Variants in PCCB observed in about 807,000 individuals in gnomAD.
PCCB encodes propionyl-CoA carboxylase subunit beta, also known as propionyl-CoA carboxylase beta chain, mitochondrial.
PCCB carries 43 observed loss-of-function variants against 60.7 expected under a neutral mutation model. That is an observed-to-expected ratio of 0.71 (90% CI 0.55 to 0.91). The LOEUF (loss-of-function observed/expected upper bound fraction) is 0.91. Among genes scored for constraint, PCCB ranks in the 40% least tolerant of loss-of-function variants. The probability of loss-of-function intolerance (pLI) is 0.00; values close to 1 mark genes in which losing one functional copy is unlikely to be tolerated. For missense variants in PCCB, 766 were observed against 702.8 expected (o/e 1.09, Z -1.02); for synonymous variants, 276 against 255.9 (o/e 1.08, Z -0.75).
intron 13 of PCCB, 136 bp from the exon 14 acceptor site, chr3:136,328,622 G>A: frequency 1.4e-6 from 1 of 714,818 alleles, no homozygotes; most frequent in South Asian, 1.5e-5. Flanking sequence ...TCTATGCTAT[G>A]GCCTTTAGAG....
chr3:136,251,139 C>G (rs1485193189), intron 1 of PCCB: 1 of 445,166 alleles, frequency 2.2e-6, no homozygotes, highest in Non-Finnish European at 4.5e-6. Flanking sequence ...AGCAAAGGCA[C>G]GTGTCGGAAG....
At chr3:136,289,395 G>A (rs1933570582) in intron 6 of PCCB, among the ~76,000 whole-genome samples, 1 of 152,162 alleles carries the variant, frequency 6.6e-6, no homozygotes, top group African/African-American at 2.4e-5. Context: ...GAATTCCTCT[G>A]TATAATAACT....
intron 9 of PCCB, among the ~76,000 whole-genome samples, chr3:136,305,519 C>T (rs143571158): frequency 0.022 from 2,664 of 119,312 alleles, 305 homozygotes; most frequent in African/African-American, 0.064. Context: ...GAGGCTGAGG[C>T]GGGTGGATCA....
rs577625696 is a variant in PCCB, at chr3:136,329,947, G to A, written c.1541G>A (p.Arg514Gln). The change falls in exon 15 of 15, where the codon CGA (arginine) becomes CAA (glutamine). Residue 514 changes from arginine (R) to glutamine (Q), a missense_variant. Coordinates refer to ENST00000251654, the MANE Select transcript of PCCB (RefSeq NM_000532.5). The stretch of plus-strand genomic sequence containing the variant: ...ATCCAACCTTCTTCCACACGTGCCC[G>A]AATCTGCTGTGACCTGGATGTCTTG... ...DIIQPSSTRA[R>Q]ICCDLDVLAS... 1.4e-4 allele frequency: 230 copies of A among 1,614,178 alleles called. 1 individual carries two copies. The South Asian group carries it at 1.9e-3, about 13-fold the overall frequency.
chr3:136,300,131 T>C lies in PCCB; in HGVS notation c.885-899T>C, dbSNP rs1934203828. 4.0e-5 allele frequency among the ~76,000 whole-genome samples: 6 copies of C among 151,376 alleles called. No homozygotes were observed. In the South Asian group the frequency reaches 1.2e-3, roughly 31 times the overall value. ...ATGCATATCTACACGTGTATATATGTATATCTACACATGTGTTCACATACA... is the reference window on the plus strand; with the variant it reads ...ATGCATATCTACACGTGTATATATGCATATCTACACATGTGTTCACATACA... On this transcript the variant is annotated intron_variant, in intron 8 of 14. Transcript: ENST00000251654.
chr3:136,293,964 C>G, intron 7 of PCCB, 100 bp downstream of exon 7: 2 of 754,392 alleles, frequency 2.7e-6, no homozygotes, highest in South Asian at 1.4e-5. Flanking sequence ...ACTTAATTGG[C>G]AGACCTTATT....
intron 10 of PCCB, chr3:136,326,388 A>G (rs1158914573): frequency 4.3e-6 from 3 of 702,832 alleles, no homozygotes; most frequent in South Asian, 1.5e-5. Flanking sequence ...CTTTGCAGGT[A>G]AGGAACCTTA....
chr3:136,256,276 C>T (rs1941669021), intron 2 of PCCB: 4 of 568,766 alleles, frequency 7.0e-6, no homozygotes, highest in Non-Finnish European at 1.2e-5. Context: ...TTCATGTAAG[C>T]ATAGAGAAGT....
At chr3:136,297,228 C>G (rs554935263) in intron 7 of PCCB, among the ~76,000 whole-genome samples, 22 of 152,128 alleles carry the variant, frequency 1.4e-4, no homozygotes, top group Non-Finnish European at 2.9e-4. Context: ...GATCAGTGAA[C>G]AAGGAGGATC....
At chr3:136,301,008 C>T in intron 8 of PCCB, 22 bp from the exon 9 acceptor site, 3 of 1,598,208 alleles carry the variant, frequency 1.9e-6, no homozygotes, top group East Asian at 2.2e-5. Flanking sequence ...GTTGACTATA[C>T]CTGCCTTTTT....
At chr3:136,268,087 GATATATATATATATATATAT>G (rs61160895) in intron 5 of PCCB, among the ~76,000 whole-genome samples, 6 of 93,798 alleles carry the variant, frequency 6.4e-5, no homozygotes, top group African/African-American at 9.2e-5. Flanking sequence ...TGTGTGTGTA[GATATATATATATATATATAT>G]ATATATATAT....
At chr3:136,322,431 CTT>C (rs1270639744) in intron 10 of PCCB, among the ~76,000 whole-genome samples, 4 of 152,046 alleles carry the variant, frequency 2.6e-5, no homozygotes, top group African/African-American at 9.7e-5. Context: ...CTTGCAATGT[CTT>C]TGTCTGGTTT....
chr3:136,319,866 G>A (rs544578117), intron 10 of PCCB, among the ~76,000 whole-genome samples: 1 of 151,976 alleles, frequency 6.6e-6, no homozygotes, highest in African/African-American at 2.4e-5. Context: ...TTTTAATTTC[G>A]AGTTAATTTT....
At chr3:136,325,417 G>A (rs1222517335) in intron 10 of PCCB, among the ~76,000 whole-genome samples, 1 of 151,120 alleles carries the variant, frequency 6.6e-6, no homozygotes, top group Non-Finnish European at 1.5e-5. Flanking sequence ...GAGTGGTGGT[G>A]CAATCTTGGC....
At chr3:136,291,914 G>T (rs532300936) in intron 6 of PCCB, among the ~76,000 whole-genome samples, 4 of 152,304 alleles carry the variant, frequency 2.6e-5, no homozygotes, top group African/African-American at 7.2e-5. Flanking sequence ...GGCCGGCCCT[G>T]GAGTCTTGAT....
At position 136,319,268 on chromosome 3, in the gene PCCB, G is replaced by A. The variant is rs184719598; in HGVS notation, c.1090+2204G>A. 5.9e-3 allele frequency among the ~76,000 whole-genome samples: 899 copies of A among 151,456 alleles called. 8 individuals are homozygous for A. Among genetic ancestry groups the A allele is most frequent in the Non-Finnish European group, 9.1e-3 (615 of 67,836 alleles). On this transcript the variant is annotated intron_variant, in intron 10 of 14. Coordinates refer to ENST00000251654, the MANE Select transcript of PCCB (RefSeq NM_000532.5). ...TTTTTAATTTTGTGTGTTTTTTGTT[G>A]TTGAGTTGGAGTTCCTTGTATATTC...
Position 136,255,837 on chromosome 3 carries a change from G to T in PCCB, c.184-19G>T. 1 of 1,610,852 alleles carries T rather than the reference G, an allele frequency of 6.2e-7. No individual in the cohort carries two copies. Among genetic ancestry groups the T allele is most frequent in the South Asian group, 1.1e-5 (1 of 90,998 alleles). On this transcript the variant is annotated intron_variant, in intron 1 of 14. Coordinates refer to ENST00000251654, the MANE Select transcript of PCCB (RefSeq NM_000532.5). ...ATTGTCTGTGATGACATCACTGAGT[G>T]ATCTTTGTTCCATTGTAGGGAAAGC...
chr3:136,327,607 A>G lies in PCCB; in HGVS notation c.1300-27A>G, dbSNP rs776058511. On this transcript the variant is annotated intron_variant, in intron 12 of 14. Coordinates refer to ENST00000251654, the MANE Select transcript of PCCB (RefSeq NM_000532.5). ...ACATGATCTGGCTGTCTCAGGCTCTAACACTCAGCATTTGGATCTGTTTTA... is the reference window on the plus strand; with the variant it reads ...ACATGATCTGGCTGTCTCAGGCTCTGACACTCAGCATTTGGATCTGTTTTA... The G allele has an allele frequency of 3.2e-6, 5 of 1,546,292 alleles. No homozygotes were observed. In the Admixed American group the frequency reaches 5.0e-5, roughly 15 times the overall value.
chr3:136,278,899 A>G (rs1021384505), intron 5 of PCCB, among the ~76,000 whole-genome samples: 2 of 152,162 alleles, frequency 1.3e-5, no homozygotes, highest in African/African-American at 4.8e-5. Flanking sequence ...TAAGTCTGCA[A>G]CTATTATTGT....
Sources: allele counts gnomAD v4.1 joint callset (sites outside exome capture counted in the v4.1 genomes callset), GRCh38; gene constraint gnomAD v4.1.1; transcripts MANE v1.5; gene names NCBI Gene and HGNC (gene_info 2026-07-23, HGNC 2026-07-21).